Variants in PDE4D observed in about 807,000 individuals in gnomAD.
PDE4D encodes the protein 3',5'-cyclic-AMP phosphodiesterase 4D.
Under a neutral mutation model 87.4 loss-of-function variants are expected in PDE4D, and 24 were observed. The observed-to-expected ratio is 0.27, with a 90% CI of 0.20 to 0.39. The LOEUF (loss-of-function observed/expected upper bound fraction) is 0.39, where lower values mean the gene tolerates loss of function less well. PDE4D is among the 10% of genes least tolerant of loss of function. The pLI, the probability that PDE4D is intolerant of heterozygous loss-of-function variation, is 1.00. For synonymous variants in PDE4D, 384 were observed against 383.2 expected, an observed-to-expected ratio of 1.00 and a Z score of -0.02; for missense variants, 714 against 1,041.0, an observed-to-expected ratio of 0.69 and a Z score of 4.32.
intron 1 of PDE4D, among the ~76,000 whole-genome samples, chr5:59,784,769 A>G (rs1764987055): frequency 6.6e-6 from 1 of 152,188 alleles, no homozygotes; most frequent in Non-Finnish European, 1.5e-5. Context: ...TGTAGCTCTC[A>G]TGATTCCCAT....
chr5:60,043,222 G>T (rs971477441), intron 2 of PDE4D, among the ~76,000 whole-genome samples: 18 of 151,724 alleles, frequency 1.2e-4, no homozygotes, highest in Non-Finnish European at 2.5e-4. Flanking sequence ...TTTAATGAAA[G>T]AAAGGGTGAA....
At chr5:60,205,225 C>G (rs1049603946) in intron 1 of PDE4D, among the ~76,000 whole-genome samples, 4 of 152,180 alleles carry the variant, frequency 2.6e-5, no homozygotes, top group African/African-American at 9.7e-5. Context: ...TGGCCACACT[C>G]AGGCTCTGTC....
intron 1 of PDE4D, among the ~76,000 whole-genome samples, chr5:60,408,021 C>T (rs530787574): frequency 1.3e-5 from 2 of 152,242 alleles, no homozygotes; most frequent in African/African-American, 2.4e-5. Context: ...CTGAGCTCCA[C>T]ACCCAGTGTC....
Position 59,893,537 on chromosome 5 carries a change from G to A in PDE4D, c.86C>T (p.Pro29Leu), listed in dbSNP as rs1348597968. ...CTGCTCGTGCCTCCAGAGATGCTTG[G>A]GGGCTTTGAGCGTGGCCCCGCCGGC... ...DSAGGATLKA[P>L]KHLWRHEQHH... The change falls in exon 1 of 15, where the codon CCC (proline) becomes CTC (leucine). Residue 29 changes from proline to leucine, a missense_variant. By Grantham distance (98) the Pro-to-Leu change is moderately conservative. This residue lies in a region of PDE4D where 268 missense variants were observed against 272.9 expected (regional missense o/e 0.98). Coordinates refer to ENST00000340635, the MANE Select transcript of PDE4D (RefSeq NM_001104631.2). 6.5e-7 allele frequency: 1 copy of A among 1,540,832 alleles called. No individual in the cohort carries two copies. The highest frequency in any genetic ancestry group is 8.7e-7 in the Non-Finnish European group (1 of 1,142,858).
At chr5:60,182,608 G>A (rs1240368897) in intron 2 of PDE4D, among the ~76,000 whole-genome samples, 11 of 152,186 alleles carry the variant, frequency 7.2e-5, no homozygotes, top group East Asian at 1.9e-4. Context: ...CTCCAGCGCC[G>A]TGGCTCATGC....
chr5:60,231,229 C>A (rs539127407), intron 1 of PDE4D, among the ~76,000 whole-genome samples: 1 of 151,980 alleles, frequency 6.6e-6, no homozygotes, highest in East Asian at 1.9e-4. Flanking sequence ...TCTTGGTGCA[C>A]GACACTGTCC....
At chr5:59,230,417 G>GTGA (rs1244977066) in intron 1 of PDE4D, among the ~76,000 whole-genome samples, 5 of 152,116 alleles carry the variant, frequency 3.3e-5, no homozygotes, top group African/African-American at 1.2e-4. Context: ...TTTTAAAAAT[G>GTGA]TGATCCTCAA....
intron 1 of PDE4D, among the ~76,000 whole-genome samples, chr5:60,249,121 G>A (rs948758069): frequency 2.0e-5 from 3 of 151,954 alleles, no homozygotes; most frequent in African/African-American, 7.2e-5. Context: ...CCCTGCAGCT[G>A]GACCCCTTCC....
At chr5:59,863,166 C>G (rs1434915288) in intron 1 of PDE4D, among the ~76,000 whole-genome samples, 1 of 152,076 alleles carries the variant, frequency 6.6e-6, no homozygotes, top group Non-Finnish European at 1.5e-5. Context: ...AATTTTTTAA[C>G]TTGAATGACA....
chr5:59,014,441 C>A (rs747582116), intron 6 of PDE4D, among the ~76,000 whole-genome samples: 18 of 152,180 alleles, frequency 1.2e-4, no homozygotes, highest in Non-Finnish European at 2.2e-4. Context: ...TAAACAACTT[C>A]AGCAAAGTCT....
intron 1 of PDE4D, among the ~76,000 whole-genome samples, chr5:59,520,515 A>C (rs545462889): frequency 1.3e-5 from 2 of 152,174 alleles, no homozygotes; most frequent in Non-Finnish European, 1.5e-5. Flanking sequence ...GAAGTGCAGA[A>C]AGGCATGGGC....
At chr5:60,037,677 G>A (rs1428373303) in intron 2 of PDE4D, among the ~76,000 whole-genome samples, 1 of 152,164 alleles carries the variant, frequency 6.6e-6, no homozygotes, top group Non-Finnish European at 1.5e-5. Flanking sequence ...ACCTAAATGA[G>A]TGTTTTGAAG....
At chr5:59,723,278 T>C (rs1482918577) in intron 1 of PDE4D, among the ~76,000 whole-genome samples, 1 of 152,104 alleles carries the variant, frequency 6.6e-6, no homozygotes, top group African/African-American at 2.4e-5. Context: ...CCTCTAGTTT[T>C]CTCATGACCA....
At chr5:59,355,889 A>C (rs929317370) in intron 1 of PDE4D, among the ~76,000 whole-genome samples, 3 of 152,264 alleles carry the variant, frequency 2.0e-5, no homozygotes, top group African/African-American at 7.2e-5. Flanking sequence ...TTCAGTGTTA[A>C]TATATATTTC....
At chr5:59,813,178 A>G (rs1216962506) in intron 1 of PDE4D, among the ~76,000 whole-genome samples, 1 of 152,034 alleles carries the variant, frequency 6.6e-6, no homozygotes, top group Non-Finnish European at 1.5e-5. Flanking sequence ...ATGGTTCACA[A>G]CTCCCTTACA....
intron 1 of PDE4D, among the ~76,000 whole-genome samples, chr5:60,274,856 C>T (rs1055290479): frequency 6.6e-6 from 1 of 152,192 alleles, no homozygotes; most frequent in Non-Finnish European, 1.5e-5. Flanking sequence ...ATCCAGATGT[C>T]CTATGGACCC....
chr5:59,710,902 C>T (rs962796456), intron 1 of PDE4D, among the ~76,000 whole-genome samples: 1 of 152,134 alleles, frequency 6.6e-6, no homozygotes, highest in Non-Finnish European at 1.5e-5. Flanking sequence ...ATATGTGATA[C>T]TAACAATAGC....
intron 1 of PDE4D, among the ~76,000 whole-genome samples, chr5:59,442,499 C>A (rs559314979): frequency 1.3e-5 from 2 of 152,180 alleles, no homozygotes; most frequent in Admixed American, 6.5e-5. Flanking sequence ...GAGTGACACC[C>A]AGAGAAAATT....
intron 1 of PDE4D, among the ~76,000 whole-genome samples, chr5:59,371,676 C>T (rs1234969027): frequency 2.0e-5 from 3 of 152,126 alleles, no homozygotes; most frequent in African/African-American, 4.8e-5. Flanking sequence ...CATTCTTCTT[C>T]AGGTTACCTA....
Sources: allele counts gnomAD v4.1 joint callset (sites outside exome capture counted in the v4.1 genomes callset), GRCh38; gene constraint gnomAD v4.1.1; regional missense constraint gnomAD v4.1.1; transcripts MANE v1.5; gene names NCBI Gene and HGNC (gene_info 2026-07-23, HGNC 2026-07-21).